Variants in RORA observed in about 807,000 individuals in gnomAD.
RORA encodes nuclear receptor ROR-alpha.
In RORA, 7 loss-of-function variants were observed where a neutral mutation model predicts 69.5. That is an observed-to-expected ratio of 0.10 (90% confidence interval 0.06 to 0.19). RORA has a LOEUF of 0.19. Among genes scored for constraint, RORA ranks in the 10% least tolerant of loss-of-function variants. RORA has a pLI of 1.00. For synonymous variants in RORA, 261 were observed against 240.8 expected (o/e 1.08, Z -0.78); for missense variants, 457 against 663.0 (o/e 0.69, Z 3.41).
At chr15:61,015,350 A>G (rs573753905) in intron 1 of RORA, among the ~76,000 whole-genome samples, 1 of 152,310 alleles carries the variant, frequency 6.6e-6, no homozygotes, top group East Asian at 1.9e-4. Flanking sequence ...ATGCATATCA[A>G]AATGTAAAAT....
rs2078703398 is a variant in RORA, at chr15:61,091,336, A to G, written c.166+137717T>C. 2.0e-5 allele frequency among the ~76,000 whole-genome samples: 3 copies of G among 152,216 alleles called. No individual in the cohort carries two copies. In the South Asian group the frequency reaches 6.2e-4, roughly 32 times the overall value. ...TTTAGAGAATGCATCTCAGCTGTCT[A>G]ATTGCACCACCTCTGCTTTAGGGCC... On this transcript the variant is annotated intron_variant, in intron 1 of 10. Coordinates refer to ENST00000335670, the MANE Select transcript of RORA (RefSeq NM_134261.3).
intron 2 of RORA, chr15:60,544,956 G>A (rs2067022153): frequency 6.6e-6 from 1 of 152,276 alleles, no homozygotes; most frequent in Non-Finnish European, 1.5e-5. Context: ...GCAGCCCCCG[G>A]TGGTAACATA....
chr15:60,764,287 G>C (rs997617952), intron 1 of RORA, among the ~76,000 whole-genome samples: 5 of 151,962 alleles, frequency 3.3e-5, no homozygotes, highest in African/African-American at 9.7e-5. Context: ...CGGGGGGTAT[G>C]GGTTCTAATC....
intron 1 of RORA, among the ~76,000 whole-genome samples, chr15:60,806,032 T>TG (rs2072655644): frequency 6.6e-6 from 1 of 152,192 alleles, no homozygotes; most frequent in South Asian, 2.1e-4. Context: ...AGCAATGCTT[T>TG]GTAAAGCCTC....
chr15:60,891,620 GT>G (rs1168959760), intron 1 of RORA, among the ~76,000 whole-genome samples: 1 of 152,216 alleles, frequency 6.6e-6, no homozygotes, highest in Non-Finnish European at 1.5e-5. Context: ...GACTAGGACA[GT>G]CAGTGAACTG....
chr15:61,059,672 ATTC>A (rs948007091), intron 1 of RORA, among the ~76,000 whole-genome samples: 139 of 152,166 alleles, frequency 9.1e-4, no homozygotes, highest in African/African-American at 3.3e-3. Context: ...ATAATAAAAG[ATTC>A]TTCTTCTCAA....
chr15:60,772,612 G>C (rs1306487928), intron 1 of RORA, among the ~76,000 whole-genome samples: 1 of 152,180 alleles, frequency 6.6e-6, no homozygotes, highest in East Asian at 1.9e-4. Flanking sequence ...AACGTGATAA[G>C]TAAAGCAAGA....
At chr15:61,101,220 T>C (rs957206333) in intron 1 of RORA, among the ~76,000 whole-genome samples, 19 of 152,150 alleles carry the variant, frequency 1.2e-4, no homozygotes, top group Non-Finnish European at 4.4e-5. Context: ...AAAACAGACA[T>C]GGCCCCTCCT....
intron 1 of RORA, among the ~76,000 whole-genome samples, chr15:60,981,401 C>T (rs370244246): frequency 6.6e-6 from 1 of 151,808 alleles, no homozygotes; most frequent in African/African-American, 2.4e-5. Flanking sequence ...ATGGTTCTAC[C>T]CCTTTCTCTC....
chr15:60,639,764 C>T (rs1016075015), intron 2 of RORA, among the ~76,000 whole-genome samples: 9 of 152,128 alleles, frequency 5.9e-5, no homozygotes, highest in African/African-American at 1.4e-4. Flanking sequence ...CCCTGACTCA[C>T]GGGTTGTGAG....
rs185760367 is a variant in RORA, at chr15:61,077,409, G to A, written c.166+151644C>T. 3.9e-5 allele frequency among the ~76,000 whole-genome samples: 6 copies of A among 152,302 alleles called. No homozygotes were observed. The East Asian group carries it at 1.2e-3, about 29-fold the overall frequency. ...CCATTTACCTTGAAAGACACGTCCA[G>A]ATAAATGATTACATCTTCAGAAACT... On this transcript the variant is annotated intron_variant, in intron 1 of 10. Transcript: ENST00000335670.
intron 1 of RORA, among the ~76,000 whole-genome samples, chr15:60,929,387 A>G (rs1892309489): frequency 6.6e-6 from 1 of 152,184 alleles, no homozygotes; most frequent in African/African-American, 2.4e-5. Context: ...GTCTTTGTTG[A>G]GAGGAAGGCA....
rs530853896 is a variant in RORA at position 60,635,413 on chromosome 15, AGTTTCCT to A, written c.196+43237_196+43243del. Among the ~76,000 whole-genome samples, 5 of 152,254 alleles carry A rather than the reference AGTTTCCT, an allele frequency of 3.3e-5. No individual in the cohort carries two copies. The East Asian group carries it at 9.6e-4, about 29-fold the overall frequency. Reference sequence around the variant, plus strand: ...AAGATAATTTGATTTTAAAAGCTGGAGTTTCCTGGTTCCTGGGTTCTAGATATTTAAA... The same window carrying A: ...AAGATAATTTGATTTTAAAAGCTGGAGGTTCCTGGGTTCTAGATATTTAAA... On this transcript the variant is annotated intron_variant, in intron 2 of 10. Transcript: ENST00000335670.
intron 1 of RORA, among the ~76,000 whole-genome samples, chr15:60,998,338 A>T (rs1279634956): frequency 3.3e-5 from 5 of 151,498 alleles, no homozygotes; most frequent in South Asian, 2.1e-4. Flanking sequence ...TGACTTTTTT[A>T]AAAAAAGCAT....
At chr15:60,628,166 T>C (rs541460615) in intron 2 of RORA, among the ~76,000 whole-genome samples, 2 of 152,332 alleles carry the variant, frequency 1.3e-5, no homozygotes, top group Non-Finnish European at 2.9e-5. Flanking sequence ...CTCTTCCTGT[T>C]GCAGGATCCC....
At chr15:61,152,425 C>A (rs2079405469) in intron 1 of RORA, among the ~76,000 whole-genome samples, 3 of 150,904 alleles carry the variant, frequency 2.0e-5, no homozygotes, top group African/African-American at 7.3e-5. Flanking sequence ...TGTTTATGAG[C>A]AAAAGTAATA....
At chr15:61,082,978 G>C (rs1595963632) in intron 1 of RORA, among the ~76,000 whole-genome samples, 1 of 152,144 alleles carries the variant, frequency 6.6e-6, no homozygotes, top group Admixed American at 6.5e-5. Flanking sequence ...AGGCTGGGAT[G>C]GAAGGGCTCC....
rs117076168 is a variant in RORA at position 60,909,500 on chromosome 15, A to T, written c.167-230814T>A. 2.0e-5 allele frequency among the ~76,000 whole-genome samples: 3 copies of T among 152,344 alleles called. No individual in the cohort carries two copies. The East Asian group carries it at 5.8e-4, about 29-fold the overall frequency. On this transcript the variant is annotated intron_variant, in intron 1 of 10. Transcript: ENST00000335670. Reference sequence around the variant, plus strand: ...AAACATAGCCTTTATCGAACGATTGAACCCTCACACACATAAATAAATGGA... The same window carrying T: ...AAACATAGCCTTTATCGAACGATTGTACCCTCACACACATAAATAAATGGA...
intron 1 of RORA, among the ~76,000 whole-genome samples, chr15:60,851,980 T>C (rs574181244): frequency 6.6e-5 from 10 of 152,280 alleles, no homozygotes; most frequent in Admixed American, 5.2e-4. Context: ...AAGGTATCCA[T>C]GTGTGCCCAC....
Sources: gnomAD v4.1 joint callset for allele counts (sites outside exome capture counted in the v4.1 genomes callset) on GRCh38, gnomAD v4.1.1 for gene constraint, MANE v1.5 for transcripts, NCBI Gene and HGNC (gene_info 2026-07-23, HGNC 2026-07-21) for gene names.